Variants in ADGRE2 observed in about 807,000 individuals in gnomAD.
ADGRE2 encodes the protein adhesion G protein-coupled receptor E2, also known as CD97 antigen.
In ADGRE2, 83 loss-of-function variants were observed where a neutral mutation model predicts 100.8. The observed-to-expected ratio is 0.82, with a 90% confidence interval of 0.69 to 0.99. ADGRE2 has a LOEUF of 0.99. Among genes scored for constraint, ADGRE2 ranks in the 50% least tolerant of loss-of-function variants. The probability of loss-of-function intolerance (pLI) is 0.00; values close to 1 mark genes in which losing one functional copy is unlikely to be tolerated. For synonymous variants in ADGRE2, 355 were observed against 413.0 expected, an observed-to-expected ratio of 0.86 and a Z score of 1.70; for missense variants, 814 against 1,035.7, an observed-to-expected ratio of 0.79 and a Z score of 2.94.
chr19:14,743,873 C>T, intron 18 of ADGRE2, 89 bp from the exon 19 acceptor site: 1 of 1,184,264 alleles, frequency 8.4e-7, no homozygotes, highest in South Asian at 1.4e-5. Flanking sequence ...CCCCTGCCCT[C>T]CCCTGTAGAT....
In ADGRE2 at chr19:14,746,949, G is replaced by T. The variant is rs1185242567; in HGVS notation, c.2038C>A (p.Pro680Thr). 1 of 1,612,370 alleles carries T rather than the reference G, an allele frequency of 6.2e-7. No homozygotes were observed. Among genetic ancestry groups the T allele is most frequent in the Non-Finnish European group, 8.5e-7 (1 of 1,179,470 alleles). The change falls in exon 17 of 21, where the codon CCA (proline) becomes ACA (threonine). Residue 680 changes from proline to threonine, a missense_variant. This residue lies in a region of ADGRE2 where 569 missense variants were observed against 692.7 expected (regional missense o/e 0.82). Transcript: ENST00000315576. Reference protein sequence around the residue: ...YGTPSRCWLQPEKGFIWGFLG... With the variant: ...YGTPSRCWLQTEKGFIWGFLG... ...AAGCCCCATATAAATCCCTTTTCTG[G>T]TTGGAGCCAGCAGCTGAAAAAAGAG...
In ADGRE2 at chr19:14,755,517, G is replaced by T. The variant is rs1330999662; in HGVS notation, c.1416+137C>A. On this transcript the variant is annotated intron_variant, in intron 13 of 20. Coordinates refer to ENST00000315576, the MANE Select transcript of ADGRE2 (RefSeq NM_013447.4). ...TGCTCAGAAATGCTTACCCAAAGCC[G>T]GCTTGGGAAGGACTGACTTTCCTGG... The T allele has an allele frequency of 7.7e-6, 6 of 777,754 alleles. No individual in the cohort carries two copies. In the East Asian group the frequency reaches 9.9e-5, roughly 13 times the overall value. 48.2% of individuals were successfully genotyped at this position (777,754 alleles called of 1,614,324 possible).
intron 11 of ADGRE2, 58 bp downstream of exon 11, chr19:14,764,375 A>G: frequency 6.4e-7 from 1 of 1,557,190 alleles, no homozygotes; most frequent in Non-Finnish European, 8.8e-7. Flanking sequence ...TGGGACTGGG[A>G]AAGGAAGGAG....
intron 11 of ADGRE2, among the ~76,000 whole-genome samples, chr19:14,763,362 A>C (rs1021321265): frequency 1.1e-4 from 16 of 151,892 alleles, no homozygotes; most frequent in African/African-American, 3.4e-4. Flanking sequence ...AAACAAAACA[A>C]AACAAAACAA....
intron 4 of ADGRE2, 64 bp downstream of exon 4, chr19:14,773,874 C>G (rs553585932): frequency 7.0e-7 from 1 of 1,434,072 alleles, no homozygotes; most frequent in East Asian, 2.3e-5. Flanking sequence ...CTCTGTCCCC[C>G]ACTGGCACTG....
At chr19:14,777,211 C>T (rs575686563) in intron 1 of ADGRE2, 142 of 455,148 alleles carry the variant, frequency 3.1e-4, no homozygotes, top group Non-Finnish European at 3.5e-4. Flanking sequence ...CACGCAGGGG[C>T]CTTGTCAGAA....
chr19:14,775,860 G>GAAAAAAAAA lies in ADGRE2; in HGVS notation c.31+857_31+865dup, dbSNP rs3057586. Among the ~76,000 whole-genome samples the GAAAAAAAAA allele has an allele frequency of 5.5e-4, 59 of 107,886 alleles. 2 individuals carry two copies. The highest frequency in any genetic ancestry group is 1.9e-3 in the African/African-American group (53 of 27,732). The allele number at this position is 107,886 out of a possible 152,430, so 70.8% of individuals were successfully genotyped here. A position where few individuals can be genotyped will look rare whatever the true frequency, so the allele number is the denominator to read the frequency against. On this transcript the variant is annotated intron_variant, in intron 2 of 20. Transcript: ENST00000315576. ...GGCGACAGAGCAAGGCTCCGCCTCA[G>GAAAAAAAAA]AAAAAAAAAAAAAAAAATGATGGCG...
chr19:14,776,050 TG>T (rs2044425687), intron 2 of ADGRE2, among the ~76,000 whole-genome samples: 1 of 151,942 alleles, frequency 6.6e-6, no homozygotes, highest in South Asian at 2.1e-4. Context: ...GGCCGCCTGT[TG>T]GGGTGCATGT....
chr19:14,728,886 T>C (rs1255573948), downstream of ADGRE2, among the ~76,000 whole-genome samples: 1 of 152,156 alleles, frequency 6.6e-6, no homozygotes, highest in Admixed American at 6.5e-5. Flanking sequence ...CTTAACGCAA[T>C]CCCTGCCTCC....
chr19:14,735,422 G>A lies in ADGRE2; in HGVS notation c.*814C>T, dbSNP rs1366341346. 1 of 152,146 alleles carries A rather than the reference G, an allele frequency of 6.6e-6. No individual in the cohort carries two copies. The highest frequency in any genetic ancestry group is 1.5e-5 in the Non-Finnish European group (1 of 68,040). 9.4% of individuals were successfully genotyped at this position (152,146 alleles called of 1,614,324 possible). On this transcript the variant is annotated 3_prime_UTR_variant, in exon 21 of 21. Coordinates refer to ENST00000315576, the MANE Select transcript of ADGRE2 (RefSeq NM_013447.4). ...GGTTTTATGGTCATGTAGAATTTCT[G>A]TTCAAGGAAAGCAGATAACAGACAG...
In ADGRE2 at chr19:14,759,111, GA is replaced by G. The variant is rs377764599; in HGVS notation, c.1085-2767del. On this transcript the variant is annotated intron_variant, in intron 11 of 20. Coordinates refer to ENST00000315576, the MANE Select transcript of ADGRE2 (RefSeq NM_013447.4). ...AGCCTAATCTTTTATTATGCAAATG[GA>G]TTCTCTACCTGGCTGGCTCCACGTT... 2.2e-3 allele frequency among the ~76,000 whole-genome samples: 337 copies of G among 152,250 alleles called. 3 individuals are homozygous for G. The highest frequency in any genetic ancestry group is 7.7e-3 in the African/African-American group (321 of 41,542).
intron 5 of ADGRE2, among the ~76,000 whole-genome samples, chr19:14,770,691 T>TTTC (rs2044173433): frequency 7.3e-6 from 1 of 136,948 alleles, no homozygotes; most frequent in African/African-American, 2.7e-5. Context: ...TTTTTTTTTT[T>TTTC]TTTTTTGAGA....
chr19:14,752,467 G>A lies in ADGRE2; in HGVS notation c.1650C>T (p.Cys550=), dbSNP rs200185787. 7.2e-5 allele frequency: 116 copies of A among 1,614,038 alleles called. No homozygotes were observed. The highest frequency in any genetic ancestry group is 9.5e-5 in the Non-Finnish European group (112 of 1,180,036). The change falls in exon 15 of 21, where the codon TGC becomes TGT. Residue 550 remains cysteine, a synonymous_variant. Transcript: ENST00000315576. The stretch of plus-strand genomic sequence containing the variant: ...GAAAAGTGAGGGCCGCCAGGAGGAG[G>A]CACAGCAGAGAGACGCTCAGCCCCA... ...TYMGLSVSLL[C]LLLAALTFLL...
At chr19:14,741,049 A>G (rs983028111) in intron 20 of ADGRE2, among the ~76,000 whole-genome samples, 3 of 148,882 alleles carry the variant, frequency 2.0e-5, no homozygotes, top group African/African-American at 4.9e-5. Flanking sequence ...AAACTTTTTT[A>G]TAGAGATGGG....
intron 20 of ADGRE2, among the ~76,000 whole-genome samples, chr19:14,736,865 T>TAAA (rs1568573088): frequency 8.1e-6 from 1 of 123,806 alleles, no homozygotes; most frequent in Non-Finnish European, 1.8e-5. Context: ...ATATAGATAT[T>TAAA]TAATATCTAT....
intron 18 of ADGRE2, 65 bp downstream of exon 18, chr19:14,746,167 G>T (rs942716082): frequency 1.0e-6 from 1 of 957,004 alleles, no homozygotes; most frequent in Non-Finnish European, 1.6e-6. Flanking sequence ...GGCTGCTGAG[G>T]CACATGGCTT....
chr19:14,731,299 C>A, downstream of ADGRE2: 1 of 1,079,480 alleles, frequency 9.3e-7, no homozygotes, highest in Non-Finnish European at 1.4e-6. Context: ...TCTGCAGATT[C>A]TGAAGCTTGC....
intron 5 of ADGRE2, among the ~76,000 whole-genome samples, chr19:14,771,630 T>TTATTTATTTATG (rs1555789559): frequency 7.4e-6 from 1 of 135,196 alleles, no homozygotes; most frequent in Admixed American, 7.5e-5. Flanking sequence ...GCTTATTTAT[T>TTATTTATTTATG]TATTTATTTA....
chr19:14,764,672 A>G, intron 10 of ADGRE2, 62 bp from the exon 11 acceptor site: 1 of 1,501,328 alleles, frequency 6.7e-7, no homozygotes, highest in South Asian at 1.3e-5. Flanking sequence ...TGAAGACTCC[A>G]ACCGCTCAGC....
Sources: allele counts gnomAD v4.1 joint callset (sites outside exome capture counted in the v4.1 genomes callset), GRCh38; gene constraint gnomAD v4.1.1; regional missense constraint gnomAD v4.1.1; transcripts MANE v1.5; gene names NCBI Gene and HGNC (gene_info 2026-07-23, HGNC 2026-07-21).